Variants in GRM5 observed in about 807,000 individuals in gnomAD.
GRM5 encodes the protein metabotropic glutamate receptor 5.
A neutral mutation model predicts 83.1 loss-of-function variants in GRM5; 19 were observed. That is an observed-to-expected ratio of 0.23 (90% CI 0.16 to 0.34). The LOEUF is 0.34. Among genes scored for constraint, GRM5 ranks in the 10% least tolerant of loss-of-function variants. The pLI is 1.00. For synonymous variants in GRM5, 675 were observed against 633.6 expected, an observed-to-expected ratio of 1.07 and a Z score of -0.98; for missense variants, 1,160 against 1,588.3, an observed-to-expected ratio of 0.73 and a Z score of 4.58.
At chr11:88,569,743 C>T (rs377005164) in intron 7 of GRM5, among the ~76,000 whole-genome samples, 19 of 152,354 alleles carry the variant, frequency 1.2e-4, no homozygotes, top group African/African-American at 4.6e-4. Context: ...CCCCCACTAC[C>T]TGTGGACTAT....
At chr11:88,653,132 C>T (rs17770948) in intron 4 of GRM5, 36 bp downstream of exon 4, 74,033 of 1,269,754 alleles carry the variant, frequency 0.058, 2,301 homozygotes, top group Middle Eastern at 0.079. Context: ...GAACCTTAGC[C>T]TTATGCATTT....
At chr11:88,988,327 A>G (rs1365511450) in intron 2 of GRM5, among the ~76,000 whole-genome samples, 32 of 150,550 alleles carry the variant, frequency 2.1e-4, no homozygotes, top group Admixed American at 2.1e-3. Context: ...ATAAAAAGAA[A>G]TGAGCAAAGC....
At chr11:88,691,401 A>G (rs1940777294) in intron 3 of GRM5, among the ~76,000 whole-genome samples, 1 of 152,218 alleles carries the variant, frequency 6.6e-6, no homozygotes, top group South Asian at 2.1e-4. Flanking sequence ...TTAGCCATGT[A>G]GAATAAACTT....
At chr11:88,675,627 G>A (rs1940307312) in intron 3 of GRM5, among the ~76,000 whole-genome samples, 1 of 151,968 alleles carries the variant, frequency 6.6e-6, no homozygotes, top group Non-Finnish European at 1.5e-5. Context: ...GAGTTGAACT[G>A]TAAGGTTATT....
chr11:88,869,666 T>C (rs1944729270), intron 2 of GRM5, among the ~76,000 whole-genome samples: 1 of 151,582 alleles, frequency 6.6e-6, no homozygotes, highest in Non-Finnish European at 1.5e-5. Flanking sequence ...TCGGGCCTTT[T>C]GCTTATGTTT....
At chr11:88,699,007 G>T (rs907105340) in intron 3 of GRM5, among the ~76,000 whole-genome samples, 1 of 152,070 alleles carries the variant, frequency 6.6e-6, no homozygotes, top group Non-Finnish European at 1.5e-5. Context: ...CTATGAGTAA[G>T]GACTATTGCT....
At chr11:88,582,166 T>C (rs1379906829) in intron 7 of GRM5, among the ~76,000 whole-genome samples, 5 of 152,188 alleles carry the variant, frequency 3.3e-5, no homozygotes, top group Non-Finnish European at 2.9e-5. Context: ...CATATGTCTC[T>C]GCCTAGGCTC....
chr11:88,753,402 C>G (rs1942325902), intron 3 of GRM5, among the ~76,000 whole-genome samples: 1 of 152,076 alleles, frequency 6.6e-6, no homozygotes, highest in Admixed American at 6.6e-5. Context: ...CAATGAGATA[C>G]CATCTCACAC....
intron 2 of GRM5, among the ~76,000 whole-genome samples, chr11:88,894,028 G>A (rs1945189579): frequency 6.6e-6 from 1 of 152,104 alleles, no homozygotes; most frequent in Non-Finnish European, 1.5e-5. Flanking sequence ...CAAGCTGGGA[G>A]TTTGCATCGG....
chr11:88,926,727 AATCT>A (rs1437122506), intron 2 of GRM5, among the ~76,000 whole-genome samples: 27 of 152,130 alleles, frequency 1.8e-4, no homozygotes, highest in Admixed American at 1.8e-3. Flanking sequence ...ATCATAGAGA[AATCT>A]ATTTCTTAAA....
intron 3 of GRM5, among the ~76,000 whole-genome samples, chr11:88,788,275 G>A (rs1423800084): frequency 1.3e-5 from 2 of 152,150 alleles, no homozygotes; most frequent in Non-Finnish European, 2.9e-5. Context: ...GCTAGGTGGT[G>A]TATTTTTAGA....
At chr11:88,979,471 G>A (rs935581338) in intron 2 of GRM5, among the ~76,000 whole-genome samples, 6 of 152,040 alleles carry the variant, frequency 3.9e-5, no homozygotes, top group Non-Finnish European at 7.4e-5. Flanking sequence ...AAGTCATTAC[G>A]TTACAGGTAT....
In GRM5 at chr11:88,685,815, T is replaced by C. The variant is rs376027628; in HGVS notation, c.912-32412A>G. 5.0e-4 allele frequency among the ~76,000 whole-genome samples: 76 copies of C among 152,298 alleles called. 1 individual carries two copies. In the East Asian group the frequency reaches 0.013, roughly 26 times the overall value. On this transcript the variant is annotated intron_variant, in intron 3 of 9. Coordinates refer to ENST00000305447, the MANE Select transcript of GRM5 (RefSeq NM_001143831.3). ...ACTGCAGGTGGACAGAAGTCAAGAA[T>C]TGGGGTTTGGAAACCTCTGTTTAGA... is the stretch of plus-strand genomic sequence containing the variant.
rs568020463 is a variant in GRM5, at chr11:89,058,997, C to A, written c.-201+6779G>T. 2.0e-5 allele frequency among the ~76,000 whole-genome samples: 3 copies of A among 151,538 alleles called. No homozygotes were observed. The South Asian group carries it at 6.2e-4, about 32-fold the overall frequency. ...AATTCTACATTACTATGCATTTAGA[C>A]AAATTGTTTTTCAAAAAATATTTTT... is the stretch of plus-strand genomic sequence containing the variant. On this transcript the variant is annotated intron_variant, in intron 1 of 9. Coordinates refer to ENST00000305447, the MANE Select transcript of GRM5 (RefSeq NM_001143831.3).
chr11:88,531,643 TG>T (rs1942010796), intron 8 of GRM5, among the ~76,000 whole-genome samples: 1 of 152,076 alleles, frequency 6.6e-6, no homozygotes, highest in Non-Finnish European at 1.5e-5. Context: ...TGGTTAAAAA[TG>T]AGTGGAGAAA....
chr11:88,885,544 A>C (rs1443040403), intron 2 of GRM5, among the ~76,000 whole-genome samples: 1 of 135,390 alleles, frequency 7.4e-6, no homozygotes, highest in Non-Finnish European at 1.5e-5. Flanking sequence ...GTATTTAAAT[A>C]GTACAGTATC....
chr11:88,932,537 T>C (rs1443864233), intron 2 of GRM5, among the ~76,000 whole-genome samples: 1 of 151,928 alleles, frequency 6.6e-6, no homozygotes, highest in African/African-American at 2.4e-5. Flanking sequence ...ATATCTGCTG[T>C]TGTGTCTGTT....
Position 89,047,157 on chromosome 11 carries a change from T to C in GRM5, c.661+55A>G. On this transcript the variant is annotated intron_variant, in intron 2 of 9. Coordinates refer to ENST00000305447, the MANE Select transcript of GRM5 (RefSeq NM_001143831.3). The surrounding 1 kb of genome is among the most constrained non-coding windows in gnomAD (Gnocchi z 5.1). ...TAGTTTACTCTTCCCAAACCTGAAA[T>C]TGTAACTGTTGAGTGCATAATAATA... 7.4e-7 allele frequency: 1 copy of C among 1,343,472 alleles called. No homozygotes were observed. Among genetic ancestry groups the C allele is most frequent in the Non-Finnish European group, 1.0e-6 (1 of 970,230 alleles). 83.2% of individuals were successfully genotyped at this position (1,343,472 alleles called of 1,614,324 possible).
chr11:89,000,321 A>G (rs1940335838), intron 2 of GRM5, among the ~76,000 whole-genome samples: 1 of 152,342 alleles, frequency 6.6e-6, no homozygotes, highest in East Asian at 1.9e-4. Context: ...AAGTTTTATT[A>G]TATAATTACA....
Sources: allele counts gnomAD v4.1 joint callset (sites outside exome capture counted in the v4.1 genomes callset), GRCh38; gene constraint gnomAD v4.1.1; non-coding constraint Gnocchi (gnomAD v3.1); transcripts MANE v1.5; gene names NCBI Gene and HGNC (gene_info 2026-07-23, HGNC 2026-07-21).